MAGI1: variants seen among roughly 807,000 people sequenced by gnomAD.
MAGI1 encodes membrane associated guanylate kinase, WW and PDZ domain containing 1.
Under a neutral mutation model 139.9 loss-of-function variants are expected in MAGI1, and 58 were observed. The observed-to-expected ratio is 0.41, with a 90% CI of 0.34 to 0.52. The LOEUF (loss-of-function observed/expected upper bound fraction) is 0.52. Ranked by LOEUF, MAGI1 falls within the 20% of genes least tolerant of loss-of-function variation. MAGI1 has a pLI of 0.12. For synonymous variants in MAGI1, 812 were observed against 737.9 expected (o/e 1.10, Z -1.63); for missense variants, 1,874 against 1,901.6 (o/e 0.99, Z 0.27).
At chr3:65,836,809 A>C (rs1434904867) in intron 1 of MAGI1, among the ~76,000 whole-genome samples, 2 of 152,080 alleles carry the variant, frequency 1.3e-5, no homozygotes, top group African/African-American at 4.8e-5. Context: ...AAAGAGAGAG[A>C]GAGACAGAGA....
intron 22 of MAGI1, among the ~76,000 whole-genome samples, chr3:65,358,451 G>T (rs1000117086): frequency 3.3e-5 from 5 of 152,096 alleles, no homozygotes; most frequent in African/African-American, 1.2e-4. Flanking sequence ...AACCTAGAGT[G>T]GGTTTTTAAC....
chr3:65,976,962 T>G (rs2065296020), intron 1 of MAGI1, among the ~76,000 whole-genome samples: 1 of 152,184 alleles, frequency 6.6e-6, no homozygotes, highest in Non-Finnish European at 1.5e-5. Context: ...TTACAGGTAT[T>G]TTCAAGCAGA....
rs1336535198 is a variant in MAGI1, at chr3:65,858,731, C to T, written c.313+179265G>A. 2.0e-5 allele frequency among the ~76,000 whole-genome samples: 3 copies of T among 152,318 alleles called. No homozygotes were observed. In the South Asian group the frequency reaches 6.2e-4, roughly 32 times the overall value. On this transcript the variant is annotated intron_variant, in intron 1 of 22. Coordinates refer to ENST00000402939, the MANE Select transcript of MAGI1 (RefSeq NM_001033057.2). ...CTGGTCTAATTATCTCTGCAAAAAA[C>T]TCATCTGTGATGACATGGGGTGAAA...
At chr3:65,886,652 A>T (rs1308440380) in intron 1 of MAGI1, among the ~76,000 whole-genome samples, 1 of 152,224 alleles carries the variant, frequency 6.6e-6, no homozygotes, top group East Asian at 1.9e-4. Context: ...CAGAATGCAC[A>T]GGAGGACAAT....
At chr3:65,821,085 T>C (rs920452925) in intron 1 of MAGI1, among the ~76,000 whole-genome samples, 3 of 151,968 alleles carry the variant, frequency 2.0e-5, no homozygotes, top group Middle Eastern at 6.3e-3. Flanking sequence ...AGGAGGCTCT[T>C]GGGGGAAGAC....
intron 1 of MAGI1, among the ~76,000 whole-genome samples, chr3:65,726,745 G>A (rs1169234643): frequency 4.6e-5 from 7 of 152,050 alleles, no homozygotes; most frequent in Non-Finnish European, 1.0e-4. Context: ...GGGGGCCTGG[G>A]TAGGGTTTCA....
At chr3:65,617,199 G>C (rs978863112) in intron 2 of MAGI1, among the ~76,000 whole-genome samples, 1 of 152,174 alleles carries the variant, frequency 6.6e-6, no homozygotes, top group Admixed American at 6.5e-5. Flanking sequence ...TCAGTATTGG[G>C]AAGAGCCTTG....
intron 1 of MAGI1, among the ~76,000 whole-genome samples, chr3:65,699,969 G>A (rs1245759793): frequency 6.6e-6 from 1 of 151,388 alleles, no homozygotes; most frequent in Non-Finnish European, 1.5e-5. Context: ...TCTGAAGGTA[G>A]GGCCCCAGAA....
intron 1 of MAGI1, among the ~76,000 whole-genome samples, chr3:65,722,471 C>CA (rs113723642): frequency 0.29 from 42,392 of 144,714 alleles, 6,315 homozygotes; most frequent in African/African-American, 0.32. Flanking sequence ...TTGTCTCTGC[C>CA]AAAAAAAAAA....
rs1309056146 is a variant in MAGI1, at chr3:65,869,406, GTTGT to G, written c.313+168586_313+168589del. On this transcript the variant is annotated intron_variant, in intron 1 of 22. Transcript: ENST00000402939. ...TGTTGTTGTTGTTGTTGTTGTTGTT[GTTGT>G]TGTTGTTTGAGACAGAGTCTTGCTC... Among the ~76,000 whole-genome samples the G allele has an allele frequency of 3.5e-3, 523 of 147,346 alleles. 5 individuals are homozygous for G. The highest frequency in any genetic ancestry group is 2.7e-3 in the Non-Finnish European group (181 of 66,788).
intron 3 of MAGI1, among the ~76,000 whole-genome samples, chr3:65,490,487 A>G (rs987980208): frequency 1.3e-5 from 2 of 152,106 alleles, no homozygotes; most frequent in Non-Finnish European, 2.9e-5. Flanking sequence ...CATTTAATAA[A>G]CATTCCATTT....
intron 12 of MAGI1, among the ~76,000 whole-genome samples, chr3:65,427,241 G>A (rs1013761919): frequency 2.0e-5 from 3 of 152,134 alleles, no homozygotes; most frequent in African/African-American, 7.2e-5. Flanking sequence ...GAAACTAGGA[G>A]GTTGAGGCTG....
At chr3:65,855,612 TGGGGAGGAGAGA>T (rs2059349753) in intron 1 of MAGI1, among the ~76,000 whole-genome samples, 4 of 586 alleles carry the variant, frequency 6.8e-3, no homozygotes, top group South Asian at 0.071. Context: ...AGACGGGAGA[TGGGGAGGAGAGA>T]GGGGAGGGGA....
chr3:65,595,167 A>G (rs774652231), intron 2 of MAGI1, among the ~76,000 whole-genome samples: 1 of 152,208 alleles, frequency 6.6e-6, no homozygotes, highest in Non-Finnish European at 1.5e-5. Context: ...GAATGAATAG[A>G]AAACAAGGGG....
intron 2 of MAGI1, among the ~76,000 whole-genome samples, chr3:65,553,797 G>C (rs2107981406): frequency 6.6e-6 from 1 of 152,296 alleles, no homozygotes; most frequent in East Asian, 1.9e-4. Flanking sequence ...CAGTCTGTCT[G>C]TCCTGAGTGG....
intron 3 of MAGI1, among the ~76,000 whole-genome samples, chr3:65,485,166 GA>G (rs2107638001): frequency 6.6e-6 from 1 of 152,214 alleles, no homozygotes; most frequent in African/African-American, 2.4e-5. Flanking sequence ...AATTACATTT[GA>G]ATTACCAAGA....
intron 1 of MAGI1, among the ~76,000 whole-genome samples, chr3:66,007,891 ATTT>A (rs35578902): frequency 1.4e-4 from 17 of 122,476 alleles, no homozygotes; most frequent in South Asian, 2.6e-4. Flanking sequence ...GGCTCCATAG[ATTT>A]TTTTTTTTTT....
chr3:65,985,252 G>A (rs1024991124), intron 1 of MAGI1, among the ~76,000 whole-genome samples: 1 of 152,206 alleles, frequency 6.6e-6, no homozygotes, highest in African/African-American at 2.4e-5. Context: ...TTATATGAAT[G>A]GGAGGTGGCA....
At chr3:65,961,364 G>A (rs1272230928) in intron 1 of MAGI1, among the ~76,000 whole-genome samples, 1 of 152,074 alleles carries the variant, frequency 6.6e-6, no homozygotes, top group Non-Finnish European at 1.5e-5. Context: ...TCCCTTCCTG[G>A]GTGGTAACTA....
Sources: allele counts gnomAD v4.1 joint callset (sites outside exome capture counted in the v4.1 genomes callset), GRCh38; gene constraint gnomAD v4.1.1; transcripts MANE v1.5; gene names NCBI Gene and HGNC (gene_info 2026-07-23, HGNC 2026-07-21).